Variants in LRRC42 observed in about 807,000 individuals in gnomAD.
The protein encoded by LRRC42 is leucine rich repeat containing 42.
In LRRC42, 43 loss-of-function variants were observed where a neutral mutation model predicts 44.3. That is an observed-to-expected ratio of 0.97 (90% CI 0.76 to 1.25). The LOEUF (loss-of-function observed/expected upper bound fraction) is 1.25. Among genes scored for constraint, LRRC42 ranks in the 50% most tolerant of loss-of-function variants. The pLI is 0.00. For synonymous variants in LRRC42, 207 were observed against 195.2 expected (o/e 1.06, Z -0.50); for missense variants, 540 against 509.1 (o/e 1.06, Z -0.58).
At chr1:53,955,281 A>G (rs1326337700) in intron 3 of LRRC42, among the ~76,000 whole-genome samples, 1 of 152,148 alleles carries the variant, frequency 6.6e-6, no homozygotes, top group Admixed American at 6.6e-5. Context: ...TTATATAATA[A>G]TCAGAAAATA....
At chr1:53,953,068 T>A (rs1381864944) in intron 3 of LRRC42, among the ~76,000 whole-genome samples, 1 of 152,356 alleles carries the variant, frequency 6.6e-6, no homozygotes, top group Admixed American at 6.5e-5. Flanking sequence ...TCTAATTTTT[T>A]AAAAAACTTG....
rs534647203 is a variant in LRRC42, at chr1:53,952,877, A to G, written c.473+405A>G. ...ACTAGATACTGACCATTAGATAAAA[A>G]GTGACCTTAAAAGATTGGGTGATTA... On this transcript the variant is annotated intron_variant, in intron 3 of 8. Coordinates refer to ENST00000371370, the MANE Select transcript of LRRC42 (RefSeq NM_001256409.2). Among the ~76,000 whole-genome samples the G allele has an allele frequency of 2.0e-5, 3 of 152,344 alleles. No individual in the cohort carries two copies. In the East Asian group the frequency reaches 5.8e-4, roughly 29 times the overall value.
Position 53,952,613 on chromosome 1 carries a change from T to C in LRRC42, c.473+141T>C, listed in dbSNP as rs533042027. On this transcript the variant is annotated intron_variant, in intron 3 of 8. Transcript: ENST00000371370. ...TCCAAATATGAAGTAAAAGACCATA[T>C]TGAAAAAAATCACTCTTCCTTCTCC... 70 of 628,246 alleles carry C rather than the reference T, an allele frequency of 1.1e-4. 1 individual carries two copies. The South Asian group carries it at 1.6e-3, about 14-fold the overall frequency. The allele number at this position is 628,246 out of a possible 1,614,324, so 38.9% of individuals were successfully genotyped here. A position where few individuals can be genotyped will look rare whatever the true frequency, so the allele number is the denominator to read the frequency against.
At chr1:53,948,131 C>G (rs1654575614) in intron 2 of LRRC42, 2 of 152,176 alleles carry the variant, frequency 1.3e-5, no homozygotes, top group South Asian at 4.1e-4. Context: ...TAGCCATCAT[C>G]CAGTATCATT....
intron 8 of LRRC42, 79 bp from the exon 9 acceptor site, chr1:53,967,586 C>A: frequency 7.3e-7 from 1 of 1,374,562 alleles, no homozygotes; most frequent in Non-Finnish European, 1.0e-6. Flanking sequence ...TTTGTCATAT[C>A]CCTGGGTTTA....
chr1:53,954,940 G>A (rs1330881960), intron 3 of LRRC42, among the ~76,000 whole-genome samples: 7 of 152,264 alleles, frequency 4.6e-5, no homozygotes, highest in East Asian at 1.9e-4. Context: ...TCAAAGATGG[G>A]AACAGATATT....
In LRRC42 at chr1:53,952,331, C is replaced by T; in HGVS notation, c.332C>T (p.Pro111Leu). Residue 111 changes from proline to leucine, a missense_variant, in exon 3 of 9, where the codon CCT becomes CTT. By Grantham distance (98) the Pro-to-Leu change is moderately conservative. Transcript: ENST00000371370. ...VDHIDSLIGF[P>L]EQIAEKLFSA... ...CACATTGATTCCCTTATTGGCTTTC[C>T]TGAGCAGATTGCTGAAAAGCTGTTC... 6.2e-7 allele frequency: 1 copy of T among 1,614,176 alleles called. No individual in the cohort carries two copies. The highest frequency in any genetic ancestry group is 8.5e-7 in the Non-Finnish European group (1 of 1,179,998).
At chr1:53,956,801 T>A (rs1654853671) in intron 3 of LRRC42, among the ~76,000 whole-genome samples, 1 of 152,226 alleles carries the variant, frequency 6.6e-6, no homozygotes, top group Non-Finnish European at 1.5e-5. Context: ...GTTTCAGAAT[T>A]ACTAAAAATC....
intron 3 of LRRC42, among the ~76,000 whole-genome samples, chr1:53,955,043 A>T (rs564587610): frequency 6.6e-6 from 1 of 152,358 alleles, no homozygotes; most frequent in African/African-American, 2.4e-5. Flanking sequence ...AGCAAATTAT[A>T]GTATATTTAT....
rs574867643 is a variant in LRRC42 at position 53,953,485 on chromosome 1, C to T, written c.473+1013C>T. Reference sequence around the variant, plus strand: ...AAGCAATTCGCCTGCCTCAGCCTCCCGAGTAGCTGGGATTACAGGCATATG... The same window carrying T: ...AAGCAATTCGCCTGCCTCAGCCTCCTGAGTAGCTGGGATTACAGGCATATG... On this transcript the variant is annotated intron_variant, in intron 3 of 8. Coordinates refer to ENST00000371370, the MANE Select transcript of LRRC42 (RefSeq NM_001256409.2). Among the ~76,000 whole-genome samples, 120 of 151,956 alleles carry T rather than the reference C, an allele frequency of 7.9e-4. 1 individual carries two copies. The highest frequency in any genetic ancestry group is 6.3e-3 in the Admixed American group (96 of 15,256).
intron 2 of LRRC42, among the ~76,000 whole-genome samples, chr1:53,950,907 G>T (rs376572141): frequency 6.6e-6 from 1 of 152,174 alleles, no homozygotes; most frequent in African/African-American, 2.4e-5. Context: ...TGTAATGGAG[G>T]TATTTATTTG....
At chr1:53,951,929 T>C in intron 2 of LRRC42, 57 bp from the exon 3 acceptor site, 1 of 1,338,406 alleles carries the variant, frequency 7.5e-7, no homozygotes, top group South Asian at 1.4e-5. Flanking sequence ...AAGATGAAGT[T>C]ACATGTTACA....
In LRRC42 at chr1:53,967,981, G is replaced by A. The variant is rs1435439765; in HGVS notation, c.*42G>A. On this transcript the variant is annotated 3_prime_UTR_variant, in exon 9 of 9. Transcript: ENST00000371370. ...GACCTTTCTCTGGCCCCCAGCTCTA[G>A]TGTTTGAGTAAAGGAGACTGAGGAT... The A allele has an allele frequency of 1.9e-6, 3 of 1,585,298 alleles. No homozygotes were observed. Among genetic ancestry groups the A allele is most frequent in the Middle Eastern group, 1.7e-4 (1 of 5,896 alleles).
intron 3 of LRRC42, among the ~76,000 whole-genome samples, chr1:53,957,090 T>C (rs1367964007): frequency 1.3e-5 from 2 of 152,316 alleles, no homozygotes; most frequent in East Asian, 3.9e-4. Context: ...GTACATCTTT[T>C]TTTGGTTGGA....
intron 1 of LRRC42, among the ~76,000 whole-genome samples, 181 bp from the exon 2 acceptor site, chr1:53,947,607 C>T (rs575093445): frequency 2.0e-5 from 3 of 152,200 alleles, no homozygotes; most frequent in African/African-American, 7.2e-5. Context: ...GGGATGAAGG[C>T]CATGGGTTGG....
At chr1:53,956,831 G>A (rs186606725) in intron 3 of LRRC42, among the ~76,000 whole-genome samples, 127 of 152,306 alleles carry the variant, frequency 8.3e-4, no homozygotes, top group African/African-American at 3.0e-3. Context: ...ATTGATCAAA[G>A]TATATGTGTT....
chr1:53,966,217 A>G, intron 7 of LRRC42, 79 bp from the exon 8 acceptor site: 4 of 1,159,484 alleles, frequency 3.4e-6, no homozygotes, highest in Admixed American at 1.8e-5. Flanking sequence ...ATGGAGAGGG[A>G]AAAAGGGGGA....
intron 2 of LRRC42, among the ~76,000 whole-genome samples, chr1:53,951,661 G>C (rs1391334779): frequency 6.6e-6 from 1 of 152,152 alleles, no homozygotes; most frequent in Non-Finnish European, 1.5e-5. Context: ...CTGACCTCAG[G>C]TGATCCGCCC....
At chr1:53,953,241 C>T (rs1654742269) in intron 3 of LRRC42, among the ~76,000 whole-genome samples, 1 of 152,252 alleles carries the variant, frequency 6.6e-6, no homozygotes, top group Non-Finnish European at 1.5e-5. Flanking sequence ...ATTCTATACA[C>T]ATACATGCTT....
Sources: allele counts gnomAD v4.1 joint callset (sites outside exome capture counted in the v4.1 genomes callset), GRCh38; gene constraint gnomAD v4.1.1; transcripts MANE v1.5; gene names NCBI Gene and HGNC (gene_info 2026-07-23, HGNC 2026-07-21).